Variants in IFNAR1 observed in about 807,000 individuals in gnomAD.
The protein encoded by IFNAR1 is interferon alpha and beta receptor subunit 1.
IFNAR1 carries 47 observed loss-of-function variants against 62.1 expected under a neutral mutation model. The ratio of observed to expected loss-of-function variants is 0.76; its 90% CI spans 0.60 to 0.97. IFNAR1 has a LOEUF of 0.97. Ranked by LOEUF, IFNAR1 falls within the 50% of genes least tolerant of loss-of-function variation. IFNAR1 has a pLI of 0.00. For missense variants in IFNAR1, 638 were observed against 654.5 expected (o/e 0.97, Z 0.27); for synonymous variants, 219 against 226.9 (o/e 0.97, Z 0.31).
In IFNAR1 at chr21:33,352,134, G is replaced by C. The variant is rs183068634; in HGVS notation, c.1144-624G>C. Among the ~76,000 whole-genome samples, 130 of 152,224 alleles carry C rather than the reference G, an allele frequency of 8.5e-4. 1 individual carries two copies. Among genetic ancestry groups the C allele is most frequent in the African/African-American group, 2.9e-3 (120 of 41,528 alleles). ...TGTAAGTGATACTCTTAATAAGGCA[G>C]TTTGAGGCCAAAACCCCTACTCTTA... On this transcript the variant is annotated intron_variant, in intron 8 of 10. Coordinates refer to ENST00000270139, the MANE Select transcript of IFNAR1 (RefSeq NM_000629.3).
upstream of IFNAR1, chr21:33,324,889 GGC>G: frequency 1.6e-6 from 1 of 616,184 alleles, no homozygotes; most frequent in South Asian, 1.8e-5. Flanking sequence ...TGCGCGGAGG[GGC>G]GGTGTGTGTG....
At chr21:33,346,446 A>G (rs550420757) in intron 6 of IFNAR1, among the ~76,000 whole-genome samples, 15 of 152,240 alleles carry the variant, frequency 9.9e-5, no homozygotes, top group Non-Finnish European at 1.9e-4. Context: ...TTATGTGCAT[A>G]TGTGCCCCAC....
rs759467737 is a variant in IFNAR1, at chr21:33,325,086, C to G, written c.31C>G (p.Leu11Val). ...GGTCGTCCTCCTGGGCGCGACGACC[C>G]TAGTGCTCGTCGCCGTGGCGCCATG... Reference protein sequence around the residue: MMVVLLGATTLVLVAVAPWVL... With the variant: MMVVLLGATTVVLVAVAPWVL... The change falls in exon 1 of 11, where the codon CTA becomes GTA. Residue 11 changes from leucine (L) to valine (V), a missense_variant. Leu to Val is a conservative substitution (Grantham distance 32, BLOSUM62 1). Coordinates refer to ENST00000270139, the MANE Select transcript of IFNAR1 (RefSeq NM_000629.3). 1.2e-5 allele frequency: 19 copies of G among 1,610,764 alleles called. No homozygotes were observed. In the Admixed American group the frequency reaches 3.2e-4, roughly 27 times the overall value.
Position 33,333,614 on chromosome 21 carries a change from A to ATTTTT in IFNAR1, c.77-1903_77-1899dup, listed in dbSNP as rs59240203. On this transcript the variant is annotated intron_variant, in intron 1 of 10. Coordinates refer to ENST00000270139, the MANE Select transcript of IFNAR1 (RefSeq NM_000629.3). ...CCATACTTAAAGAGACTGGCGGAAT[A>ATTTTT]TTTTTTTTTTTCTTTTTTTTTTTTT... Among the ~76,000 whole-genome samples the ATTTTT allele has an allele frequency of 2.7e-4, 29 of 106,984 alleles. 2 individuals carry two copies. Among genetic ancestry groups the ATTTTT allele is most frequent in the African/African-American group, 7.4e-4 (18 of 24,426 alleles). The allele number at this position is 106,984 out of a possible 152,430, so 70.2% of individuals were successfully genotyped here.
chr21:33,338,756 T>A (rs548150575), intron 2 of IFNAR1, among the ~76,000 whole-genome samples: 2 of 151,930 alleles, frequency 1.3e-5, no homozygotes, highest in African/African-American at 4.8e-5. Context: ...TGGTTTTTTT[T>A]TTTTGAGACG....
chr21:33,334,647 G>A, intron 1 of IFNAR1: 1 of 723,992 alleles, frequency 1.4e-6, no homozygotes, highest in Non-Finnish European at 2.5e-6. Flanking sequence ...AGGTGCAATG[G>A]CTTCTGGGGA....
In IFNAR1 at chr21:33,358,881, C is replaced by T. The variant is rs1255612148; in HGVS notation, c.*3332C>T. On this transcript the variant is annotated 3_prime_UTR_variant, in exon 11 of 11. Transcript: ENST00000270139. Reference sequence around the variant, plus strand: ...TAAAACTTAGAGTTTTTATCTTCCCCTAAAAGAGGCCGTGATATTTGCAGC... The same window carrying T: ...TAAAACTTAGAGTTTTTATCTTCCCTTAAAAGAGGCCGTGATATTTGCAGC... 1 of 151,856 alleles carries T rather than the reference C, an allele frequency of 6.6e-6. No homozygotes were observed. Among genetic ancestry groups the T allele is most frequent in the Non-Finnish European group, 1.5e-5 (1 of 67,986 alleles). The allele number at this position is 151,856 out of a possible 1,614,324, so 9.4% of individuals were successfully genotyped here.
At chr21:33,339,946 A>G (rs916832656) in intron 2 of IFNAR1, among the ~76,000 whole-genome samples, 15 of 151,446 alleles carry the variant, frequency 9.9e-5, no homozygotes, top group African/African-American at 2.4e-4. Flanking sequence ...AAAAAAAAAA[A>G]AAAAGAAATC....
chr21:33,341,749 A>T (rs2083294424), intron 3 of IFNAR1, among the ~76,000 whole-genome samples: 1 of 151,772 alleles, frequency 6.6e-6, no homozygotes, highest in Admixed American at 6.6e-5. Flanking sequence ...TGGCACAATC[A>T]CGGCTCACTA....
chr21:33,328,850 A>G (rs1380932509), intron 1 of IFNAR1, among the ~76,000 whole-genome samples: 1 of 152,138 alleles, frequency 6.6e-6, no homozygotes, highest in African/African-American at 2.4e-5. Flanking sequence ...TTAAATGTCC[A>G]TTTATACATT....
intron 3 of IFNAR1, 119 bp from the exon 4 acceptor site, chr21:33,343,149 T>C (rs1216647840): frequency 5.3e-6 from 4 of 751,260 alleles, no homozygotes; most frequent in Non-Finnish European, 8.8e-6. Context: ...ATCCTATCTG[T>C]ATGCTCTTAA....
intron 2 of IFNAR1, among the ~76,000 whole-genome samples, chr21:33,340,781 C>T (rs1366160528): frequency 6.6e-6 from 1 of 151,972 alleles, no homozygotes; most frequent in Non-Finnish European, 1.5e-5. Context: ...AATAACTTGG[C>T]TTATATGCAT....
In IFNAR1 at chr21:33,355,665, A is replaced by T. The variant is rs1355415360; in HGVS notation, c.*116A>T. ...AGGACGTTTCCCTGTTTAGGGAAAGAAAAAACATCTTCAGATCATAGGTCC... is the reference window on the plus strand; with the variant it reads ...AGGACGTTTCCCTGTTTAGGGAAAGTAAAAACATCTTCAGATCATAGGTCC... On this transcript the variant is annotated 3_prime_UTR_variant, in exon 11 of 11. Coordinates refer to ENST00000270139, the MANE Select transcript of IFNAR1 (RefSeq NM_000629.3). 2.2e-5 allele frequency: 12 copies of T among 557,522 alleles called. No individual in the cohort carries two copies. The highest frequency in any genetic ancestry group is 3.8e-5 in the Non-Finnish European group (12 of 315,844). 34.5% of individuals were successfully genotyped at this position (557,522 alleles called of 1,614,324 possible).
chr21:33,329,522 A>G lies in IFNAR1; in HGVS notation c.76+4391A>G, dbSNP rs550092564. On this transcript the variant is annotated intron_variant, in intron 1 of 10. Coordinates refer to ENST00000270139, the MANE Select transcript of IFNAR1 (RefSeq NM_000629.3). ...GTCTCCCCTTTTGACCCCATACTAT[A>G]AGATCTAACTGGAAAGAGCAAGAAG... is the stretch of plus-strand genomic sequence containing the variant. Among the ~76,000 whole-genome samples the G allele has an allele frequency of 2.0e-5, 3 of 152,300 alleles. No individual in the cohort carries two copies. In the East Asian group the frequency reaches 5.8e-4, roughly 29 times the overall value.
At chr21:33,336,033 ATC>A (rs2123669955) in intron 2 of IFNAR1, among the ~76,000 whole-genome samples, 1 of 142,862 alleles carries the variant, frequency 7.0e-6, no homozygotes, top group East Asian at 2.1e-4. Context: ...CTAACTCGTC[ATC>A]TAGCATTAGG....
At chr21:33,346,550 C>T (rs1313875451) in intron 6 of IFNAR1, among the ~76,000 whole-genome samples, 2 of 152,104 alleles carry the variant, frequency 1.3e-5, no homozygotes, top group African/African-American at 2.4e-5. Context: ...ATAGGGTCAC[C>T]AAATAGATAA....
chr21:33,328,194 C>A (rs182429844), intron 1 of IFNAR1, among the ~76,000 whole-genome samples: 1 of 152,262 alleles, frequency 6.6e-6, no homozygotes, highest in East Asian at 1.9e-4. Flanking sequence ...GACAGTTGTT[C>A]TTCCAGTGTG....
At chr21:33,350,179 C>T (rs2083386314) in intron 8 of IFNAR1, among the ~76,000 whole-genome samples, 1 of 150,162 alleles carries the variant, frequency 6.7e-6, no homozygotes, top group African/African-American at 2.5e-5. Context: ...TGGATAGTTC[C>T]TTGGGAGGGG....
chr21:33,339,173 G>C (rs991646576), intron 2 of IFNAR1, among the ~76,000 whole-genome samples: 8 of 152,098 alleles, frequency 5.3e-5, no homozygotes, highest in African/African-American at 1.9e-4. Flanking sequence ...AGTGAGGTTG[G>C]GTTGAAATTA....
Sources: allele counts gnomAD v4.1 joint callset (sites outside exome capture counted in the v4.1 genomes callset), GRCh38; gene constraint gnomAD v4.1.1; transcripts MANE v1.5; gene names NCBI Gene and HGNC (gene_info 2026-07-23, HGNC 2026-07-21).